The following ZNF280C variants were observed in gnomAD, a reference collection of about 807,000 sequenced individuals.
ZNF280C encodes suppressor of hairy wing homolog 3.
ZNF280C carries 14 observed loss-of-function variants against 53.6 expected under a neutral mutation model. That is an observed-to-expected ratio of 0.26 (90% CI 0.17 to 0.41). The LOEUF (loss-of-function observed/expected upper bound fraction) is 0.41. Among genes scored for constraint, ZNF280C ranks in the 10% least tolerant of loss-of-function variants. ZNF280C has a pLI of 1.00. For synonymous variants in ZNF280C, 203 were observed against 181.1 expected, an observed-to-expected ratio of 1.12 and a Z score of -0.97; for missense variants, 416 against 547.1, an observed-to-expected ratio of 0.76 and a Z score of 2.39.
intron 6 of ZNF280C, among the ~76,000 whole-genome samples, chrX:130,238,406 A>G (rs2032355538): frequency 9.0e-6 from 1 of 111,445 alleles, no homozygotes; most frequent in Non-Finnish European, 1.9e-5. Flanking sequence ...TATTTTAATA[A>G]TGTGAGAAAA....
chrX:130,239,139 T>G (rs986159446), intron 6 of ZNF280C, among the ~76,000 whole-genome samples: 5 of 111,807 alleles, frequency 4.5e-5, no homozygotes, highest in African/African-American at 1.6e-4. Flanking sequence ...ATAATCATAT[T>G]TAACTATCAT....
At chrX:130,213,234 G>T (rs187664052) in intron 15 of ZNF280C, among the ~76,000 whole-genome samples, 1 of 111,472 alleles carries the variant, frequency 9.0e-6, no homozygotes, top group Non-Finnish European at 1.9e-5. Flanking sequence ...TTAGCCGGGC[G>T]TGGTGGCGTG....
chrX:130,208,472 C>T (rs2032004249), intron 16 of ZNF280C, among the ~76,000 whole-genome samples: 1 of 110,493 alleles, frequency 9.1e-6, no homozygotes, highest in Admixed American at 9.7e-5. Flanking sequence ...ATGTGAGATC[C>T]ACTCAAGTTG....
chrX:130,209,563 T>C, intron 16 of ZNF280C, 90 bp downstream of exon 16: 1 of 850,769 alleles, frequency 1.2e-6, no homozygotes, highest in Non-Finnish European at 1.7e-6. Context: ...AACAGAACTC[T>C]ATCATTTCCA....
chrX:130,207,021 A>G (rs2031983302), intron 16 of ZNF280C, among the ~76,000 whole-genome samples: 1 of 111,857 alleles, frequency 8.9e-6, no homozygotes, highest in African/African-American at 3.3e-5. Context: ...AATTAGTTTC[A>G]GTAATCTACT....
rs149006152 is a variant in ZNF280C at position 130,250,249 on chromosome X, C to G, written c.32-3244G>C. On this transcript the variant is annotated intron_variant, in intron 2 of 18. Transcript: ENST00000370978. The stretch of plus-strand genomic sequence containing the variant: ...AAGAACTAGAGAACCAAGAGCAAAC[C>G]AATTCCAAAGCTAAGAGAGAAGACA... Among the ~76,000 whole-genome samples, 285 of 111,770 alleles carry G rather than the reference C, an allele frequency of 2.5e-3. 1 individual carries two copies. Among genetic ancestry groups the G allele is most frequent in the African/African-American group, 8.8e-3 (270 of 30,827 alleles).
intron 2 of ZNF280C, among the ~76,000 whole-genome samples, chrX:130,249,127 T>C (rs1465605836): frequency 9.0e-6 from 1 of 111,132 alleles, no homozygotes; most frequent in Non-Finnish European, 1.9e-5. Context: ...TCTCTGCCTG[T>C]ATCAACATGT....
intron 2 of ZNF280C, among the ~76,000 whole-genome samples, chrX:130,254,034 T>C (rs1273187818): frequency 8.9e-6 from 1 of 111,929 alleles, no homozygotes; most frequent in Admixed American, 9.5e-5. Context: ...ATATCCAGCA[T>C]ATATAAAGAA....
intron 2 of ZNF280C, among the ~76,000 whole-genome samples, chrX:130,257,209 A>C (rs2032584303): frequency 9.2e-6 from 1 of 109,077 alleles, no homozygotes; most frequent in Non-Finnish European, 1.9e-5. Context: ...AAAAAAAAAA[A>C]AAAAAAAAAA....
chrX:130,236,438 T>TC (rs1436621626), intron 7 of ZNF280C, 31 bp downstream of exon 7: 7 of 1,016,919 alleles, frequency 6.9e-6, no homozygotes, highest in Non-Finnish European at 9.2e-6. Context: ...AATAATACTA[T>TC]TTTTTTTTAC....
intron 13 of ZNF280C, among the ~76,000 whole-genome samples, chrX:130,218,675 T>TTAA (rs1479680433): frequency 9.0e-6 from 1 of 111,482 alleles, no homozygotes; most frequent in Non-Finnish European, 1.9e-5. Flanking sequence ...AAGACCTGAG[T>TTAA]TTAAGAATCT....
chrX:130,204,845 G>T lies in ZNF280C; in HGVS notation c.*132C>A. On this transcript the variant is annotated 3_prime_UTR_variant, in exon 19 of 19. Coordinates refer to ENST00000370978, the MANE Select transcript of ZNF280C (RefSeq NM_017666.5). ...TGGCATCTGAAAGCTGAAAAGAGCT[G>T]AATAATGAGAGCTAGTGTCATAAAC... 1 of 490,405 alleles carries T rather than the reference G, an allele frequency of 2.0e-6. No homozygotes were observed. The allele number at this position is 490,405 out of a possible 1,213,427, so 40.4% of individuals were successfully genotyped here.
chrX:130,224,338 A>G (rs1335598819), intron 12 of ZNF280C, among the ~76,000 whole-genome samples: 1 of 111,718 alleles, frequency 9.0e-6, no homozygotes, highest in African/African-American at 3.3e-5. Flanking sequence ...TACAGCCTCC[A>G]TAACAGAGAG....
chrX:130,247,174 T>C lies in ZNF280C; in HGVS notation c.32-169A>G, dbSNP rs756732600. On this transcript the variant is annotated intron_variant, in intron 2 of 18. Transcript: ENST00000370978. Reference sequence around the variant, plus strand: ...TTTTGCTTTTGTTGCCCAGGCGTGATCTCGGCTCACTGCAACCTCCGCCTC... The same window carrying C: ...TTTTGCTTTTGTTGCCCAGGCGTGACCTCGGCTCACTGCAACCTCCGCCTC... Among the ~76,000 whole-genome samples the C allele has an allele frequency of 7.1e-5, 8 of 112,529 alleles. No homozygotes were observed. The South Asian group carries it at 2.6e-3, about 36-fold the overall frequency.
intron 2 of ZNF280C, among the ~76,000 whole-genome samples, chrX:130,254,508 A>C (rs2032545019): frequency 8.9e-6 from 1 of 112,306 alleles, no homozygotes; most frequent in African/African-American, 3.2e-5. Context: ...GAATCGACCC[A>C]AATGCCCATC....
intron 6 of ZNF280C, 134 bp from the exon 7 acceptor site, chrX:130,236,773 T>C (rs976924569): frequency 3.0e-5 from 11 of 370,977 alleles, no homozygotes; most frequent in Non-Finnish European, 5.0e-5. Context: ...TTAAAGGTAA[T>C]ATAATTTAAT....
chrX:130,220,914 A>G (rs1233571518), intron 12 of ZNF280C, among the ~76,000 whole-genome samples: 4 of 110,724 alleles, frequency 3.6e-5, no homozygotes, highest in Non-Finnish European at 7.6e-5. Context: ...ATCTTTATGC[A>G]TATGTTCTTA....
chrX:130,243,921 G>C (rs1164030943), intron 3 of ZNF280C, 56 bp from the exon 4 acceptor site: 2 of 791,752 alleles, frequency 2.5e-6, no homozygotes, highest in East Asian at 7.3e-5. Flanking sequence ...TATACTAATA[G>C]AAAAATTCCT....
intron 7 of ZNF280C, 50 bp downstream of exon 7, chrX:130,236,419 G>A (rs1370301000): frequency 1.4e-5 from 16 of 1,121,556 alleles, no homozygotes; most frequent in African/African-American, 7.5e-5. Context: ...TTTCTAAAAC[G>A]TATATAAAAA....
Sources: gnomAD v4.1 joint callset for allele counts (sites outside exome capture counted in the v4.1 genomes callset) on GRCh38, gnomAD v4.1.1 for gene constraint, MANE v1.5 for transcripts, NCBI Gene and HGNC (gene_info 2026-07-23, HGNC 2026-07-21) for gene names.